PDE1C: variants seen among roughly 807,000 people sequenced by gnomAD.
PDE1C encodes phosphodiesterase 1C, also known as dual specificity calcium/calmodulin-dependent 3',5'-cyclic nucleotide phosphodiesterase 1C.
A neutral mutation model predicts 93.1 loss-of-function variants in PDE1C; 62 were observed. The ratio of observed to expected loss-of-function variants is 0.67; its 90% CI spans 0.54 to 0.82. The LOEUF (loss-of-function observed/expected upper bound fraction) is 0.82, where lower values mean the gene tolerates loss of function less well. Ranked by LOEUF, PDE1C falls within the 40% of genes least tolerant of loss-of-function variation. The pLI is 0.00. For missense variants in PDE1C, 742 were observed against 884.6 expected (o/e 0.84, Z 2.04); for synonymous variants, 325 against 310.1 (o/e 1.05, Z -0.50).
At chr7:32,282,356 A>G (rs1175903963) in intron 1 of PDE1C, among the ~76,000 whole-genome samples, 2 of 151,466 alleles carry the variant, frequency 1.3e-5, no homozygotes, top group Non-Finnish European at 2.9e-5. Context: ...CCTGCCTGCA[A>G]TCCCAGCTAC....
chr7:31,797,914 G>A (rs559515068), intron 16 of PDE1C, among the ~76,000 whole-genome samples: 1 of 151,708 alleles, frequency 6.6e-6, no homozygotes, highest in Admixed American at 6.6e-5. Context: ...CAAGAAAAGG[G>A]GTGCCATAGA....
chr7:31,712,312 T>C, the PDE1C span, among the ~76,000 whole-genome samples: 1,000 of 133,618 alleles, frequency 7.5e-3, 9 homozygotes, highest in African/African-American at 0.029. Context: ...ATAAAAAGAC[T>C]TTGTAAGAAG....
the PDE1C span, among the ~76,000 whole-genome samples, chr7:31,629,584 A>G: frequency 1.3e-5 from 2 of 152,372 alleles, no homozygotes; most frequent in African/African-American, 4.8e-5. Context: ...ATATGAAAAG[A>G]TGCTAGAGGA....
chr7:31,771,190 C>T (rs558617254), intron 17 of PDE1C, among the ~76,000 whole-genome samples: 43 of 152,254 alleles, frequency 2.8e-4, no homozygotes, highest in African/African-American at 7.7e-4. Context: ...TTCCAGTTGC[C>T]AATTTCTGTG....
At chr7:32,073,057 A>T (rs1339985274), upstream of PDE1C, among the ~76,000 whole-genome samples, 1 of 152,236 alleles carries the variant, frequency 6.6e-6, no homozygotes, top group Non-Finnish European at 1.5e-5. Flanking sequence ...GGATGAAAAT[A>T]TACAAAGGAA....
intron 1 of PDE1C, among the ~76,000 whole-genome samples, chr7:32,346,386 G>A (rs997545189): frequency 6.6e-6 from 1 of 152,218 alleles, no homozygotes; most frequent in African/African-American, 2.4e-5. Context: ...TTGCAAAAGG[G>A]AAATACCTGG....
chr7:32,226,323 A>G (rs1807266542), intron 1 of PDE1C, among the ~76,000 whole-genome samples: 1 of 152,228 alleles, frequency 6.6e-6, no homozygotes, highest in Non-Finnish European at 1.5e-5. Flanking sequence ...AAATGAACTA[A>G]CATAAACTAT....
intron 3 of PDE1C, among the ~76,000 whole-genome samples, chr7:32,147,178 T>C (rs1392438387): frequency 6.7e-6 from 1 of 150,232 alleles, no homozygotes; most frequent in Admixed American, 6.6e-5. Context: ...TTTAAAAAAT[T>C]GTTTTCAGAA....
At chr7:32,194,306 C>A (rs1293500083) in intron 2 of PDE1C, among the ~76,000 whole-genome samples, 2 of 152,204 alleles carry the variant, frequency 1.3e-5, no homozygotes, top group Non-Finnish European at 2.9e-5. Flanking sequence ...CTTTTGATAT[C>A]TGCATGGTCT....
rs530944636 is a variant in PDE1C at position 32,112,646 on chromosome 7, G to A, written c.308+57139C>T. On this transcript the variant is annotated intron_variant, in intron 3 of 18. Transcript: ENST00000396193. ...TGCTTTTTTTTTTTTTTAGAGATGG[G>A]ATCTTGCTATGTTGCCCAGGCTGGT... Among the ~76,000 whole-genome samples the A allele has an allele frequency of 4.7e-5, 7 of 149,916 alleles. No homozygotes were observed. The South Asian group carries it at 1.5e-3, about 32-fold the overall frequency.
chr7:31,931,605 A>G (rs1182046510), intron 2 of PDE1C, among the ~76,000 whole-genome samples: 6 of 152,228 alleles, frequency 3.9e-5, no homozygotes, highest in African/African-American at 1.4e-4. Context: ...AAACAAATGG[A>G]AAAACATTCC....
At chr7:31,772,963 G>A (rs1273323192) in intron 17 of PDE1C, among the ~76,000 whole-genome samples, 1 of 152,224 alleles carries the variant, frequency 6.6e-6, no homozygotes, top group African/African-American at 2.4e-5. Context: ...GGAGGCATCT[G>A]TGATGCTCCT....
At chr7:32,299,495 A>G, upstream of PDE1C, 7 of 851,068 alleles carry the variant, frequency 8.2e-6, no homozygotes, top group Non-Finnish European at 9.9e-6. Context: ...CCCCTTACCA[A>G]CCATTCCAAA....
chr7:31,684,195 A>G, the PDE1C span, among the ~76,000 whole-genome samples: 1 of 152,356 alleles, frequency 6.6e-6, no homozygotes, highest in Middle Eastern at 3.4e-3. Context: ...AGCAACAGCA[A>G]CAACAGCCCG....
chr7:32,226,642 G>A (rs896475487), intron 1 of PDE1C, among the ~76,000 whole-genome samples: 6 of 152,220 alleles, frequency 3.9e-5, no homozygotes, highest in African/African-American at 1.4e-4. Context: ...TGGGGAGAGA[G>A]TGGTCAGTGC....
downstream of PDE1C, among the ~76,000 whole-genome samples, chr7:31,750,441 G>T (rs1794097880): frequency 6.6e-6 from 1 of 152,156 alleles, no homozygotes; most frequent in Non-Finnish European, 1.5e-5. Flanking sequence ...TGATGTCATG[G>T]AATTAGTAAG....
chr7:31,807,121 A>G (rs1786944606), intron 16 of PDE1C, among the ~76,000 whole-genome samples: 1 of 151,918 alleles, frequency 6.6e-6, no homozygotes, highest in South Asian at 2.1e-4. Context: ...ATTGATACCA[A>G]AGCAGTAATG....
At chr7:31,832,797 T>C (rs191695945) in intron 11 of PDE1C, among the ~76,000 whole-genome samples, 1 of 152,364 alleles carries the variant, frequency 6.6e-6, no homozygotes, top group African/African-American at 2.4e-5. Context: ...CGAGTATATG[T>C]ATGTGCAAAC....
the PDE1C span, among the ~76,000 whole-genome samples, chr7:31,620,077 G>C: frequency 2.4e-4 from 37 of 152,310 alleles, no homozygotes; most frequent in African/African-American, 8.4e-4. Context: ...CATTACCCAG[G>C]CTTGATTAGG....
Sources: allele counts gnomAD v4.1 joint callset (sites outside exome capture counted in the v4.1 genomes callset), GRCh38; gene constraint gnomAD v4.1.1; transcripts MANE v1.5; gene names NCBI Gene and HGNC (gene_info 2026-07-23, HGNC 2026-07-21).